Variants in SYNPR observed in about 807,000 individuals in gnomAD.
The protein encoded by SYNPR is synaptoporin.
In SYNPR, 23 loss-of-function variants were observed where a neutral mutation model predicts 32.9. The observed-to-expected ratio is 0.70, with a 90% CI of 0.50 to 0.99. SYNPR has a LOEUF of 0.99. Ranked by LOEUF, SYNPR falls within the 50% of genes least tolerant of loss-of-function variation. The probability of loss-of-function intolerance (pLI) is 0.00; values close to 1 mark genes in which losing one functional copy is unlikely to be tolerated. For synonymous variants in SYNPR, 146 were observed against 135.9 expected, an observed-to-expected ratio of 1.07 and a Z score of -0.52; for missense variants, 318 against 349.3, an observed-to-expected ratio of 0.91 and a Z score of 0.71.
intron 3 of SYNPR, among the ~76,000 whole-genome samples, chr3:63,481,674 C>T (rs1488467927): frequency 6.6e-6 from 1 of 152,142 alleles, no homozygotes; most frequent in Non-Finnish European, 1.5e-5. Flanking sequence ...AAATATTAAG[C>T]ACGTAATCCC....
intron 3 of SYNPR, among the ~76,000 whole-genome samples, chr3:63,522,055 T>C (rs1701926623): frequency 6.6e-6 from 1 of 152,238 alleles, no homozygotes. Context: ...TCTCAACCTC[T>C]GAGTTTCAAG....
chr3:63,251,045 G>C (rs2086327129), intron 1 of SYNPR, among the ~76,000 whole-genome samples: 1 of 152,038 alleles, frequency 6.6e-6, no homozygotes, highest in Non-Finnish European at 1.5e-5. Context: ...GGTCTCTGGG[G>C]AGTGGGACAG....
chr3:63,526,767 C>T (rs115821333), intron 3 of SYNPR, among the ~76,000 whole-genome samples: 2,505 of 152,206 alleles, frequency 0.016, 79 homozygotes, highest in African/African-American at 0.057. Context: ...GGAAGCAGGT[C>T]TGGAAACAAA....
chr3:63,597,700 C>T (rs1412948464), intron 4 of SYNPR, among the ~76,000 whole-genome samples: 1 of 152,172 alleles, frequency 6.6e-6, no homozygotes, highest in Non-Finnish European at 1.5e-5. Context: ...CCTGTGACAA[C>T]TTGGACACAT....
chr3:63,454,230 A>G (rs1160078214), intron 2 of SYNPR, among the ~76,000 whole-genome samples: 2 of 152,168 alleles, frequency 1.3e-5, no homozygotes, highest in Non-Finnish European at 2.9e-5. Context: ...TTTCAAATAC[A>G]TATTTTAATA....
intron 1 of SYNPR, among the ~76,000 whole-genome samples, chr3:63,249,764 T>C (rs993037781): frequency 1.3e-5 from 2 of 152,162 alleles, no homozygotes; most frequent in Non-Finnish European, 2.9e-5. Context: ...ATAGGACATA[T>C]ATACGTGTAA....
intron 2 of SYNPR, among the ~76,000 whole-genome samples, chr3:63,254,342 G>A (rs1190046190): frequency 6.6e-6 from 1 of 151,900 alleles, no homozygotes. Flanking sequence ...TTTTAAAGCT[G>A]GTTAATACTT....
intron 3 of SYNPR, among the ~76,000 whole-genome samples, chr3:63,511,028 G>T (rs1213756835): frequency 6.6e-6 from 1 of 151,692 alleles, no homozygotes; most frequent in African/African-American, 2.4e-5. Context: ...CAAATTGCTG[G>T]ACTCAGCCCC....
chr3:63,465,121 G>A (rs1350437175), intron 2 of SYNPR, among the ~76,000 whole-genome samples: 1 of 152,098 alleles, frequency 6.6e-6, no homozygotes, highest in Non-Finnish European at 1.5e-5. Context: ...AAGATGGCGA[G>A]GATCTTCATC....
At chr3:63,330,826 A>T (rs566014075) in intron 2 of SYNPR, among the ~76,000 whole-genome samples, 66 of 152,268 alleles carry the variant, frequency 4.3e-4, no homozygotes, top group African/African-American at 1.5e-3. Context: ...AGAGCTAGCT[A>T]TGGGAGTCTA....
chr3:63,522,372 G>A (rs763943898), intron 3 of SYNPR, among the ~76,000 whole-genome samples: 4 of 152,136 alleles, frequency 2.6e-5, no homozygotes, highest in Non-Finnish European at 4.4e-5. Context: ...TTGCTACTAC[G>A]TATTCACCAT....
chr3:63,370,499 G>A (rs1380319483), intron 2 of SYNPR, among the ~76,000 whole-genome samples: 1 of 152,202 alleles, frequency 6.6e-6, no homozygotes, highest in East Asian at 1.9e-4. Flanking sequence ...TACTTCTGTA[G>A]ATGTCTGAAA....
intron 1 of SYNPR, among the ~76,000 whole-genome samples, chr3:63,239,490 C>T (rs1447657968): frequency 6.6e-6 from 1 of 151,042 alleles, no homozygotes; most frequent in Non-Finnish European, 1.5e-5. Flanking sequence ...ACACACCTGA[C>T]AATGGTAGAA....
chr3:63,450,576 C>T (rs1051698408), intron 2 of SYNPR, among the ~76,000 whole-genome samples: 1 of 152,178 alleles, frequency 6.6e-6, no homozygotes, highest in Admixed American at 6.5e-5. Flanking sequence ...AAGCAGATGT[C>T]TAGGTACCTG....
At chr3:63,598,350 C>A (rs1453410374) in intron 4 of SYNPR, among the ~76,000 whole-genome samples, 1 of 152,138 alleles carries the variant, frequency 6.6e-6, no homozygotes, top group African/African-American at 2.4e-5. Flanking sequence ...CTATTAATTA[C>A]ATTTAGAAAA....
chr3:63,404,420 C>T (rs926846567), intron 2 of SYNPR, among the ~76,000 whole-genome samples: 1 of 152,060 alleles, frequency 6.6e-6, no homozygotes, highest in South Asian at 2.1e-4. Flanking sequence ...GAAGGAAAAT[C>T]ATAAAAAATG....
chr3:63,362,795 A>G (rs1211864806), intron 2 of SYNPR, among the ~76,000 whole-genome samples: 1 of 152,186 alleles, frequency 6.6e-6, no homozygotes, highest in East Asian at 1.9e-4. Flanking sequence ...CTCTATCCAA[A>G]GATGCCAATA....
rs1054390710 is a variant in SYNPR, at chr3:63,481,515, C to T, written c.209+559C>T. ...TGTTCCTAGTCTAAGACAAAGATGA[C>T]TCAGTTCATAGGTGATGAATCATCA... On this transcript the variant is annotated intron_variant, in intron 3 of 5. Transcript: ENST00000478300. Among the ~76,000 whole-genome samples, 3 of 151,528 alleles carry T rather than the reference C, an allele frequency of 2.0e-5. No individual in the cohort carries two copies. In the South Asian group the frequency reaches 6.3e-4, roughly 32 times the overall value.
intron 4 of SYNPR, among the ~76,000 whole-genome samples, chr3:63,582,282 T>C (rs550782636): frequency 6.6e-6 from 1 of 152,126 alleles, no homozygotes; most frequent in African/African-American, 2.4e-5. Flanking sequence ...GAATCAGGGG[T>C]CCTCTTTATG....
Sources: allele counts gnomAD v4.1 joint callset (sites outside exome capture counted in the v4.1 genomes callset), GRCh38; gene constraint gnomAD v4.1.1; transcripts MANE v1.5; gene names NCBI Gene and HGNC (gene_info 2026-07-23, HGNC 2026-07-21).